Variants in COQ3 observed in about 807,000 individuals in gnomAD.
COQ3 encodes ubiquinone biosynthesis O-methyltransferase, mitochondrial.
Under a neutral mutation model 33.1 loss-of-function variants are expected in COQ3, and 29 were observed. That is an observed-to-expected ratio of 0.88 (90% CI 0.65 to 1.19). COQ3 has a LOEUF of 1.19. Among genes scored for constraint, COQ3 ranks in the 50% most tolerant of loss-of-function variants. COQ3 has a pLI of 0.00. For missense variants in COQ3, 437 were observed against 430.7 expected (o/e 1.01, Z -0.13); for synonymous variants, 173 against 157.8 (o/e 1.10, Z -0.72).
At chr6:99,377,518 A>C (rs762994438) in intron 3 of COQ3, 33 bp from the exon 4 acceptor site, 7 of 1,470,476 alleles carry the variant, frequency 4.8e-6, no homozygotes, top group Non-Finnish European at 5.6e-6. Context: ...TACCAAAACA[A>C]ATAATTAATT....
chr6:99,390,848 C>T (rs1053871841), intron 1 of COQ3, among the ~76,000 whole-genome samples: 3 of 152,118 alleles, frequency 2.0e-5, no homozygotes, highest in East Asian at 1.9e-4. Context: ...ACATGGGCCC[C>T]GTGCCCAGTT....
chr6:99,380,220 A>C lies in COQ3; in HGVS notation c.355T>G (p.Ser119Ala). The C allele has an allele frequency of 6.2e-7, 1 of 1,613,986 alleles. No homozygotes were observed. The highest frequency in any genetic ancestry group is 8.5e-7 in the Non-Finnish European group (1 of 1,179,932). The change falls in exon 3 of 7, where the codon TCC becomes GCC. Residue 119 changes from serine to alanine, a missense_variant. Ser to Ala is a moderately conservative substitution (Grantham distance 99, BLOSUM62 1). Coordinates refer to ENST00000254759, the MANE Select transcript of COQ3 (RefSeq NM_017421.4). Reference protein sequence around the residue: ...DEQGVYAPLHSMNDLRVPFIR... With the variant: ...DEQGVYAPLHAMNDLRVPFIR... Reference sequence around the variant, plus strand: ...AATGGCACCCTCAGGTCATTCATGGAATGAAGAGGTGCATATACTCCTTGT... The same window carrying C: ...AATGGCACCCTCAGGTCATTCATGGCATGAAGAGGTGCATATACTCCTTGT...
intron 1 of COQ3, among the ~76,000 whole-genome samples, chr6:99,391,081 T>TTATC (rs1290455333): frequency 2.5e-5 from 2 of 80,010 alleles, no homozygotes; most frequent in African/African-American, 8.8e-5. Context: ...CTCATTTTAT[T>TTATC]TATTTATTTA....
intron 1 of COQ3, among the ~76,000 whole-genome samples, chr6:99,393,552 G>A (rs1413066328): frequency 6.6e-6 from 1 of 152,180 alleles, no homozygotes; most frequent in African/African-American, 2.4e-5. Context: ...TCGAAAATCA[G>A]ACTGCTGTCT....
chr6:99,384,031 G>A (rs1267929768), intron 1 of COQ3, among the ~76,000 whole-genome samples: 7 of 152,072 alleles, frequency 4.6e-5, no homozygotes, highest in Non-Finnish European at 1.0e-4. Flanking sequence ...TTCCCAAGTA[G>A]CGGGGACTAC....
At chr6:99,371,721 AATATAATTC>A in intron 5 of COQ3, 134 bp from the exon 6 acceptor site, 1 of 632,160 alleles carries the variant, frequency 1.6e-6, no homozygotes, top group South Asian at 2.2e-5. Context: ...GTACGCATAA[AATATAATTC>A]ACCAAAATAG....
In COQ3 at chr6:99,393,960, C is replaced by T. The variant is rs566935456; in HGVS notation, c.106+114G>A. On this transcript the variant is annotated intron_variant, in intron 1 of 6. Transcript: ENST00000254759. Reference sequence around the variant, plus strand: ...GGCCAGGACCAAGCCTTAGGTTTCGCGCTGACCCCTCGCGAGGTCCAGAGA... The same window carrying T: ...GGCCAGGACCAAGCCTTAGGTTTCGTGCTGACCCCTCGCGAGGTCCAGAGA... The T allele has an allele frequency of 3.0e-5, 24 of 811,888 alleles. No homozygotes were observed. The African/African-American group carries it at 3.4e-4, about 11-fold the overall frequency. The allele number at this position is 811,888 out of a possible 1,614,324, so 50.3% of individuals were successfully genotyped here.
intron 1 of COQ3, among the ~76,000 whole-genome samples, chr6:99,386,657 A>G (rs1774662180): frequency 6.6e-6 from 1 of 152,218 alleles, no homozygotes; most frequent in South Asian, 2.1e-4. Context: ...TGATAAGGGA[A>G]TACTACACAT....
intron 1 of COQ3, among the ~76,000 whole-genome samples, chr6:99,391,926 G>C (rs1207179295): frequency 6.6e-6 from 1 of 152,078 alleles, no homozygotes; most frequent in Non-Finnish European, 1.5e-5. Context: ...TTGAGCCAGG[G>C]AGGCCAAGGC....
At chr6:99,387,872 G>A (rs1465711645) in intron 1 of COQ3, among the ~76,000 whole-genome samples, 2 of 151,960 alleles carry the variant, frequency 1.3e-5, no homozygotes, top group East Asian at 3.9e-4. Flanking sequence ...ATTCAGAAAG[G>A]TCAAAGATTA....
intron 3 of COQ3, among the ~76,000 whole-genome samples, chr6:99,379,855 C>CA (rs397947579): frequency 0.012 from 1,624 of 138,246 alleles, 24 homozygotes; most frequent in East Asian, 0.05. Context: ...GACTCCATCT[C>CA]AAAAAAAAAA....
chr6:99,381,347 C>A lies in COQ3; in HGVS notation c.234-1006G>T, dbSNP rs1252287671. The stretch of plus-strand genomic sequence containing the variant: ...CTTCCCAGTGCCATTAGAAAAAAGA[C>A]CAAAATCCTTAGCATAGTTTACAAA... On this transcript the variant is annotated intron_variant, in intron 2 of 6. Coordinates refer to ENST00000254759, the MANE Select transcript of COQ3 (RefSeq NM_017421.4). Among the ~76,000 whole-genome samples, 5 of 152,144 alleles carry A rather than the reference C, an allele frequency of 3.3e-5. No individual in the cohort carries two copies. In the East Asian group the frequency reaches 9.6e-4, roughly 29 times the overall value.
intron 1 of COQ3, 117 bp from the exon 2 acceptor site, chr6:99,383,941 C>A: frequency 1.3e-6 from 1 of 794,464 alleles, no homozygotes; most frequent in South Asian, 2.1e-5. Flanking sequence ...TGCTCTGCCA[C>A]CCAGGTTGGA....
Position 99,383,860 on chromosome 6 carries a change from T to C in COQ3, c.107-36A>G, listed in dbSNP as rs146623995. The stretch of plus-strand genomic sequence containing the variant: ...AAATTAAATATCTAGAGAAAAGCTT[T>C]GCACAGTAAGAATCCCTGATATGCA... On this transcript the variant is annotated intron_variant, in intron 1 of 6. Transcript: ENST00000254759. 425 of 1,496,416 alleles carry C rather than the reference T, an allele frequency of 2.8e-4. 4 individuals carry two copies. The South Asian group carries it at 5.0e-3, about 18-fold the overall frequency. The allele number at this position is 1,496,416 out of a possible 1,614,324, so 92.7% of individuals were successfully genotyped here. A position where few individuals can be genotyped will look rare whatever the true frequency, so the allele number is the denominator to read the frequency against.
chr6:99,374,986 CTT>C (rs781414728), intron 5 of COQ3, among the ~76,000 whole-genome samples: 36 of 140,216 alleles, frequency 2.6e-4, no homozygotes, highest in Non-Finnish European at 2.5e-4. Context: ...CAATTTCTTT[CTT>C]TTTTTTTTTT....
chr6:99,389,074 G>A (rs1370206360), intron 1 of COQ3, among the ~76,000 whole-genome samples: 1 of 152,040 alleles, frequency 6.6e-6, no homozygotes, highest in Non-Finnish European at 1.5e-5. Context: ...CCAAGGAACT[G>A]GGTGAATAGT....
At position 99,383,658 on chromosome 6, in the gene COQ3, A is replaced by G. The variant is rs539593135; in HGVS notation, c.233+40T>C. On this transcript the variant is annotated intron_variant, in intron 2 of 6. Transcript: ENST00000254759. ...AGATAATACTAAAAACCTATTACAT[A>G]TAATTACGTGAATATTTGCCACAGT... 2.2e-5 allele frequency: 32 copies of G among 1,473,118 alleles called. No individual in the cohort carries two copies. The South Asian group carries it at 3.6e-4, about 17-fold the overall frequency. 91.3% of individuals were successfully genotyped at this position (1,473,118 alleles called of 1,614,324 possible).
chr6:99,379,903 G>A (rs902966979), intron 3 of COQ3, among the ~76,000 whole-genome samples: 8 of 151,686 alleles, frequency 5.3e-5, no homozygotes, highest in African/African-American at 1.5e-4. Context: ...AAATGGCCTT[G>A]ATGCCATAAG....
intron 2 of COQ3, 83 bp downstream of exon 2, chr6:99,383,615 A>G: frequency 2.8e-6 from 3 of 1,064,784 alleles, no homozygotes; most frequent in Non-Finnish European, 4.0e-6. Context: ...ACTATTACAT[A>G]CTGACTGGGT....
Sources: gnomAD v4.1 joint callset for allele counts (sites outside exome capture counted in the v4.1 genomes callset) on GRCh38, gnomAD v4.1.1 for gene constraint, MANE v1.5 for transcripts, NCBI Gene and HGNC (gene_info 2026-07-23, HGNC 2026-07-21) for gene names.